RBFOX1: variants seen among roughly 807,000 people sequenced by gnomAD.
The protein encoded by RBFOX1 is RNA binding protein fox-1 homolog 1.
Under a neutral mutation model 57.7 loss-of-function variants are expected in RBFOX1, and 8 were observed. That is an observed-to-expected ratio of 0.14 (90% CI 0.08 to 0.25). The LOEUF is 0.25. RBFOX1 is among the 10% of genes least tolerant of loss of function. RBFOX1 has a pLI of 1.00. For synonymous variants in RBFOX1, 326 were observed against 222.4 expected (o/e 1.47, Z -4.15); for missense variants, 611 against 548.5 (o/e 1.11, Z -1.14).
chr16:6,395,015 T>C (rs569271037), intron 2 of RBFOX1, among the ~76,000 whole-genome samples: 8 of 152,212 alleles, frequency 5.3e-5, no homozygotes, highest in Non-Finnish European at 7.3e-5. Context: ...TCAGGGAAAT[T>C]AAATGGCTGG....
chr16:5,765,367 T>C (rs911304695), intron 3 of RBFOX1, among the ~76,000 whole-genome samples: 1 of 152,194 alleles, frequency 6.6e-6, no homozygotes, highest in Non-Finnish European at 1.5e-5. Context: ...AATTTCAGTT[T>C]CAATACACAT....
chr16:5,803,056 G>A (rs1342507542), intron 3 of RBFOX1, among the ~76,000 whole-genome samples: 1 of 152,220 alleles, frequency 6.6e-6, no homozygotes, highest in Non-Finnish European at 1.5e-5. Context: ...AAGAATGGAT[G>A]CAGTTGCAGA....
intron 2 of RBFOX1, among the ~76,000 whole-genome samples, chr16:6,617,156 C>G (rs2098154819): frequency 6.6e-6 from 1 of 151,960 alleles, no homozygotes; most frequent in South Asian, 2.1e-4. Context: ...GGTCCTCCAT[C>G]CCTGACTATA....
intron 1 of RBFOX1, among the ~76,000 whole-genome samples, chr16:5,281,905 C>G (rs2063280711): frequency 6.6e-6 from 1 of 152,092 alleles, no homozygotes; most frequent in African/African-American, 2.4e-5. Flanking sequence ...TAATTTAACC[C>G]ATATTCGAAG....
chr16:5,641,967 G>T (rs1325255423), intron 3 of RBFOX1, among the ~76,000 whole-genome samples: 1 of 152,192 alleles, frequency 6.6e-6, no homozygotes, highest in Non-Finnish European at 1.5e-5. Context: ...ACAGGTCTGA[G>T]GTGGGACTCG....
chr16:7,504,783 ATATT>A (rs1440916419), intron 4 of RBFOX1, among the ~76,000 whole-genome samples: 2 of 18,014 alleles, frequency 1.1e-4, no homozygotes, highest in African/African-American at 2.7e-4. Context: ...ATATATATAT[ATATT>A]TATATATATA....
At chr16:7,631,299 C>T (rs2060914917) in intron 11 of RBFOX1, among the ~76,000 whole-genome samples, 1 of 152,166 alleles carries the variant, frequency 6.6e-6, no homozygotes, top group Admixed American at 6.5e-5. Context: ...TAAGTATACC[C>T]ATCCAGTGCG....
At chr16:7,289,515 C>T (rs1385268876) in intron 4 of RBFOX1, among the ~76,000 whole-genome samples, 2 of 152,004 alleles carry the variant, frequency 1.3e-5, no homozygotes, top group African/African-American at 2.4e-5. Context: ...TCACCTTCAT[C>T]GTCATCATCA....
At chr16:6,577,482 C>A (rs553574929) in intron 2 of RBFOX1, 1 of 152,270 alleles carries the variant, frequency 6.6e-6, no homozygotes, top group East Asian at 1.9e-4. Flanking sequence ...CGGGGAACAC[C>A]AAGTTGTGCT....
intron 3 of RBFOX1, among the ~76,000 whole-genome samples, chr16:5,834,154 C>T (rs942072839): frequency 6.6e-6 from 1 of 152,148 alleles, no homozygotes; most frequent in Non-Finnish European, 1.5e-5. Context: ...CAGTGGTACA[C>T]GTGGTTTTTG....
At chr16:6,935,817 G>C (rs1000466506) in intron 3 of RBFOX1, among the ~76,000 whole-genome samples, 3 of 152,156 alleles carry the variant, frequency 2.0e-5, no homozygotes, top group Non-Finnish European at 4.4e-5. Flanking sequence ...TCTAAGGCAT[G>C]CCACAGAGTT....
At chr16:5,493,296 T>G (rs954422549) in intron 2 of RBFOX1, among the ~76,000 whole-genome samples, 1 of 152,190 alleles carries the variant, frequency 6.6e-6, no homozygotes, top group African/African-American at 2.4e-5. Context: ...GGTTTTGAAC[T>G]CCTGGCCTCA....
Position 7,348,758 on chromosome 16 carries a change from A to G in RBFOX1, c.28-169389A>G, listed in dbSNP as rs144772558. On this transcript the variant is annotated intron_variant, in intron 4 of 15. Transcript: ENST00000550418. ...GGAGTTCAAGACCACCCTGGCCAAC[A>G]TGATGAAACTTCATCTCTACTAAAA... Among the ~76,000 whole-genome samples, 386 of 152,272 alleles carry G rather than the reference A, an allele frequency of 2.5e-3. 3 individuals are homozygous for G. The highest frequency in any genetic ancestry group is 8.4e-3 in the African/African-American group (349 of 41,586).
At chr16:5,455,272 C>G (rs2068595206) in intron 1 of RBFOX1, among the ~76,000 whole-genome samples, 1 of 151,986 alleles carries the variant, frequency 6.6e-6, no homozygotes, top group African/African-American at 2.4e-5. Context: ...CTCCCCATAA[C>G]ACAGTGGCAT....
chr16:7,099,006 T>A (rs184387955), intron 4 of RBFOX1, among the ~76,000 whole-genome samples: 1 of 152,238 alleles, frequency 6.6e-6, no homozygotes, highest in East Asian at 1.9e-4. Flanking sequence ...CTCTTTTTGG[T>A]GGGTCAGTGT....
intron 4 of RBFOX1, among the ~76,000 whole-genome samples, chr16:7,510,981 T>C (rs1600465203): frequency 6.6e-6 from 1 of 152,134 alleles, no homozygotes; most frequent in Admixed American, 6.5e-5. Flanking sequence ...GACAAGTAAA[T>C]TCCAGATGCA....
In RBFOX1 at chr16:6,644,040, C is replaced by A. The variant is rs184395204; in HGVS notation, c.-63-10563C>A. ...ACTAGGTAGGCTGAGGCAGGAGAAT[C>A]GTTTGAACCCGGGAGGCAGAGTTTG... On this transcript the variant is annotated intron_variant, in intron 2 of 15. Transcript: ENST00000550418. 4.5e-3 allele frequency among the ~76,000 whole-genome samples: 678 copies of A among 152,196 alleles called. 12 individuals carry two copies. The highest frequency in any genetic ancestry group is 0.032 in the Admixed American group (485 of 15,286).
At chr16:5,968,018 C>T (rs910348133) in intron 4 of RBFOX1, among the ~76,000 whole-genome samples, 1 of 152,066 alleles carries the variant, frequency 6.6e-6, no homozygotes, top group Admixed American at 6.6e-5. Flanking sequence ...TACAAATAAC[C>T]ATCCTGATGT....
chr16:6,603,984 G>A (rs1382702787), intron 2 of RBFOX1, among the ~76,000 whole-genome samples: 1 of 152,052 alleles, frequency 6.6e-6, no homozygotes, highest in Non-Finnish European at 1.5e-5. Flanking sequence ...TCTTCTCCCA[G>A]CCTTGGGGGT....
Sources: allele counts gnomAD v4.1 joint callset (sites outside exome capture counted in the v4.1 genomes callset), GRCh38; gene constraint gnomAD v4.1.1; transcripts MANE v1.5; gene names NCBI Gene and HGNC (gene_info 2026-07-23, HGNC 2026-07-21).